Variants in LEKR1 observed in about 807,000 individuals in gnomAD.
The protein encoded by LEKR1 is protein LEKR1.
A neutral mutation model predicts 72.4 loss-of-function variants in LEKR1; 59 were observed. The observed-to-expected ratio is 0.82, with a 90% CI of 0.66 to 1.01. LEKR1 has a LOEUF of 1.01. Ranked by LOEUF, LEKR1 falls within the 50% of genes least tolerant of loss-of-function variation. The pLI is 0.00. For missense variants in LEKR1, 728 were observed against 759.2 expected (o/e 0.96, Z 0.48); for synonymous variants, 257 against 263.2 (o/e 0.98, Z 0.23).
intron 3 of LEKR1, among the ~76,000 whole-genome samples, chr3:156,897,860 G>A (rs1487655812): frequency 6.6e-6 from 1 of 151,998 alleles, no homozygotes; most frequent in African/African-American, 2.4e-5. Flanking sequence ...GGCTAAGGCA[G>A]GAGAATTGCT....
At chr3:156,829,857 G>A (rs866922054) in intron 2 of LEKR1, among the ~76,000 whole-genome samples, 4 of 151,970 alleles carry the variant, frequency 2.6e-5, no homozygotes, top group Non-Finnish European at 5.9e-5. Flanking sequence ...TTGAAGATTT[G>A]GAATGGTTTG....
At chr3:156,882,769 T>C (rs1458923584) in intron 3 of LEKR1, among the ~76,000 whole-genome samples, 7 of 152,104 alleles carry the variant, frequency 4.6e-5, no homozygotes, top group African/African-American at 1.4e-4. Flanking sequence ...CCAACAATGA[T>C]AGACTGGATT....
In LEKR1 at chr3:157,036,241, A is replaced by G. The variant is rs533446162; in HGVS notation, c.1668+7839A>G. On this transcript the variant is annotated intron_variant, in intron 12 of 12. Coordinates refer to ENST00000356539, the MANE Select transcript of LEKR1 (RefSeq NM_001004316.3). ...AAAGAGATGATATTGTATTCATTAAACATAAACAGCCAGCTATGAAAAAAG... is the reference window on the plus strand; with the variant it reads ...AAAGAGATGATATTGTATTCATTAAGCATAAACAGCCAGCTATGAAAAAAG... 5.3e-5 allele frequency among the ~76,000 whole-genome samples: 8 copies of G among 152,312 alleles called. No individual in the cohort carries two copies. In the South Asian group the frequency reaches 1.2e-3, roughly 24 times the overall value.
Position 156,892,044 on chromosome 3 carries a change from C to CA in LEKR1, c.264-28520dup, listed in dbSNP as rs930919342. ...TAAAGGTAGCCCCCCGCCCCGCTAC[C>CA]AAAAAAAAAAATCAGCAACAAGAAT... On this transcript the variant is annotated intron_variant, in intron 3 of 12. Coordinates refer to ENST00000356539, the MANE Select transcript of LEKR1 (RefSeq NM_001004316.3). Among the ~76,000 whole-genome samples the CA allele has an allele frequency of 8.6e-4, 123 of 143,640 alleles. No individual in the cohort carries two copies. In the Middle Eastern group the frequency reaches 0.011, roughly 12 times the overall value. The allele number at this position is 143,640 out of a possible 152,430, so 94.2% of individuals were successfully genotyped here. A position where few individuals can be genotyped will look rare whatever the true frequency, so the allele number is the denominator to read the frequency against.
At chr3:156,979,419 T>C in intron 7 of LEKR1, 144 bp downstream of exon 7, 1 of 352,704 alleles carries the variant, frequency 2.8e-6, no homozygotes, top group Non-Finnish European at 5.5e-6. Flanking sequence ...CTGGTGTGGG[T>C]AATAGTTTAC....
At chr3:156,850,647 G>A (rs1482104873) in intron 2 of LEKR1, among the ~76,000 whole-genome samples, 1 of 152,190 alleles carries the variant, frequency 6.6e-6, no homozygotes, top group African/African-American at 2.4e-5. Context: ...TGTGCCAAAG[G>A]TGACCTAAGT....
intron 9 of LEKR1, among the ~76,000 whole-genome samples, chr3:157,001,977 A>C (rs1195351101): frequency 6.6e-6 from 1 of 152,186 alleles, no homozygotes; most frequent in Non-Finnish European, 1.5e-5. Flanking sequence ...ACAACTGATC[A>C]TGGAATTTAA....
chr3:156,891,013 C>A (rs987146687), intron 3 of LEKR1, among the ~76,000 whole-genome samples: 2 of 150,688 alleles, frequency 1.3e-5, no homozygotes, highest in Admixed American at 6.6e-5. Context: ...GTGTGCACCA[C>A]CATGGCCGGC....
At chr3:156,881,409 A>G (rs1311517977) in intron 3 of LEKR1, among the ~76,000 whole-genome samples, 1 of 152,188 alleles carries the variant, frequency 6.6e-6, no homozygotes, top group African/African-American at 2.4e-5. Flanking sequence ...AATTGCTTCA[A>G]AGAGAATAAA....
At chr3:157,000,436 T>C (rs1285871467) in intron 9 of LEKR1, among the ~76,000 whole-genome samples, 2 of 152,160 alleles carry the variant, frequency 1.3e-5, no homozygotes, top group African/African-American at 2.4e-5. Context: ...GAATGGACTT[T>C]AGAATTAGGT....
intron 9 of LEKR1, among the ~76,000 whole-genome samples, chr3:157,006,907 A>G (rs1732482288): frequency 6.6e-6 from 1 of 152,210 alleles, no homozygotes; most frequent in South Asian, 2.1e-4. Context: ...GGAGTGATGG[A>G]TTACAAAGAG....
At chr3:156,954,433 G>A (rs1332471762) in intron 6 of LEKR1, among the ~76,000 whole-genome samples, 1 of 151,834 alleles carries the variant, frequency 6.6e-6, no homozygotes, top group Non-Finnish European at 1.5e-5. Flanking sequence ...ATCTCTGCCT[G>A]TACCTACGTC....
intron 6 of LEKR1, among the ~76,000 whole-genome samples, chr3:156,961,682 A>G (rs1169411549): frequency 6.6e-6 from 1 of 152,214 alleles, no homozygotes; most frequent in Admixed American, 6.5e-5. Flanking sequence ...GTTGGAAAAA[A>G]TACTGAGCTG....
intron 3 of LEKR1, among the ~76,000 whole-genome samples, chr3:156,883,364 C>A (rs1483484777): frequency 6.6e-6 from 1 of 152,182 alleles, no homozygotes; most frequent in Non-Finnish European, 1.5e-5. Flanking sequence ...CTTACCCTGT[C>A]TCAGATGAGA....
At chr3:157,045,165 A>G (rs1735661511) in intron 12 of LEKR1, among the ~76,000 whole-genome samples, 175 bp from the exon 13 acceptor site, 1 of 152,188 alleles carries the variant, frequency 6.6e-6, no homozygotes, top group South Asian at 2.1e-4. Context: ...TCTTTCCACC[A>G]TCACAGATTA....
At chr3:156,853,020 GAA>G (rs1212351134) in intron 3 of LEKR1, 38 bp downstream of exon 3, 28 of 1,322,892 alleles carry the variant, frequency 2.1e-5, no homozygotes, top group Non-Finnish European at 2.8e-5. Flanking sequence ...TTATTTAGTT[GAA>G]AGACAGCTAC....
chr3:156,866,683 G>A (rs973068449), intron 3 of LEKR1, among the ~76,000 whole-genome samples: 1 of 151,936 alleles, frequency 6.6e-6, no homozygotes, highest in African/African-American at 2.4e-5. Context: ...GATGTTTTAT[G>A]ATTGTAAATC....
At chr3:156,964,791 T>C (rs1728423686) in intron 6 of LEKR1, among the ~76,000 whole-genome samples, 1 of 152,216 alleles carries the variant, frequency 6.6e-6, no homozygotes, top group South Asian at 2.1e-4. Flanking sequence ...AATACACTGA[T>C]TCATTAAAAG....
rs1334773882 is a variant in LEKR1 at position 156,978,481 on chromosome 3, G to T, written c.746-713G>T. ...CGTACCAGCAAGGGCTGTCACTGGGGCTGGGGTTCAGATCACAGTTTCCAC... is the reference window on the plus strand; with the variant it reads ...CGTACCAGCAAGGGCTGTCACTGGGTCTGGGGTTCAGATCACAGTTTCCAC... On this transcript the variant is annotated intron_variant, in intron 6 of 12. Transcript: ENST00000356539. Among the ~76,000 whole-genome samples the T allele has an allele frequency of 4.6e-5, 7 of 152,168 alleles. No homozygotes were observed. The East Asian group carries it at 1.3e-3, about 29-fold the overall frequency.
Sources: allele counts gnomAD v4.1 joint callset (sites outside exome capture counted in the v4.1 genomes callset), GRCh38; gene constraint gnomAD v4.1.1; transcripts MANE v1.5; gene names NCBI Gene and HGNC (gene_info 2026-07-23, HGNC 2026-07-21).